Variants in CBLC observed in about 807,000 individuals in gnomAD.
CBLC encodes the protein Cbl proto-oncogene C, also known as E3 ubiquitin-protein ligase CBL-C.
A neutral mutation model predicts 58.6 loss-of-function variants in CBLC; 46 were observed. That is an observed-to-expected ratio of 0.79 (90% CI 0.62 to 1.00). CBLC has a LOEUF of 1.00. CBLC is among the 50% of genes least tolerant of loss of function. The probability of loss-of-function intolerance (pLI) is 0.00; values close to 1 mark genes in which losing one functional copy is unlikely to be tolerated. For synonymous variants in CBLC, 271 were observed against 264.2 expected (o/e 1.03, Z -0.25); for missense variants, 655 against 625.8 (o/e 1.05, Z -0.50).
intron 5 of CBLC, among the ~76,000 whole-genome samples, chr19:44,784,950 G>GTTTTTTGTTTTT (rs543317017): frequency 2.9e-5 from 1 of 34,372 alleles, no homozygotes; most frequent in East Asian, 9.1e-4. Flanking sequence ...CTAGACAGGT[G>GTTTTTTGTTTTT]TTTTTTTTTT....
chr19:44,800,591 A>G lies in CBLC; in HGVS notation c.*48A>G. On this transcript the variant is annotated 3_prime_UTR_variant, in exon 11 of 11. Transcript: ENST00000647358. The stretch of plus-strand genomic sequence containing the variant: ...TGCTCAAGGGAGCCCCAAGGGCTGG[A>G]AGGGGGTTGTGAAACCGAAATAAAC... 3 of 581,516 alleles carry G rather than the reference A, an allele frequency of 5.2e-6. No homozygotes were observed. The South Asian group carries it at 6.7e-5, about 13-fold the overall frequency. 36.0% of individuals were successfully genotyped at this position (581,516 alleles called of 1,614,324 possible). A position where few individuals can be genotyped will look rare whatever the true frequency, so the allele number is the denominator to read the frequency against.
At chr19:44,779,928 A>G (rs569808346) in intron 1 of CBLC, among the ~76,000 whole-genome samples, 2 of 152,240 alleles carry the variant, frequency 1.3e-5, no homozygotes, top group East Asian at 3.9e-4. Flanking sequence ...TTTAATCACT[A>G]TAATGCCCAA....
chr19:44,790,396 G>A lies in CBLC; in HGVS notation c.1005+305G>A, dbSNP rs563340047. ...CTCCTAATCTTCACAGCCACCCTAC[G>A]AGTGAGAAAAACAACAATAACAAAT... On this transcript the variant is annotated intron_variant, in intron 6 of 10. Coordinates refer to ENST00000647358, the MANE Select transcript of CBLC (RefSeq NM_012116.4). Among the ~76,000 whole-genome samples, 4 of 152,196 alleles carry A rather than the reference G, an allele frequency of 2.6e-5. No homozygotes were observed. The East Asian group carries it at 5.8e-4, about 22-fold the overall frequency.
chr19:44,791,869 A>G (rs984169857), intron 6 of CBLC, among the ~76,000 whole-genome samples: 1 of 151,836 alleles, frequency 6.6e-6, no homozygotes, highest in Non-Finnish European at 1.5e-5. Context: ...GGGTCTTACT[A>G]TGCTGCCCAC....
Position 44,780,886 on chromosome 19 carries a change from T to C in CBLC, c.354-19T>C, listed in dbSNP as rs369091435. The C allele has an allele frequency of 1.0e-4, 163 of 1,607,700 alleles. No homozygotes were observed. Among genetic ancestry groups the C allele is most frequent in the Non-Finnish European group, 1.3e-4 (159 of 1,178,980 alleles). ...GTGGGAGCCCCAAGGATAGCCAGAG[T>C]CCTTGCCCATCCCCACAGGCGACAG... On this transcript the variant is annotated intron_variant, in intron 1 of 10. Transcript: ENST00000647358.
In CBLC at chr19:44,790,008, C is replaced by G. The variant is rs147455821; in HGVS notation, c.922C>G (p.Leu308Val). ...LLEGQKDGFY[L>V]YPDGKTHNPD... ...CCCTCTCTTCCCTTCCCCCAGCTAC[C>G]TCTACCCAGATGGAAAGACCCACAA... Residue 308 changes from leucine (L) to valine (V), a missense_variant, in exon 6 of 11, where the codon CTC (leucine) becomes GTC (valine). By Grantham distance (32) the Leu-to-Val change is conservative. Transcript: ENST00000647358. The G allele has an allele frequency of 6.2e-7, 1 of 1,613,096 alleles. No homozygotes were observed. Among genetic ancestry groups the G allele is most frequent in the South Asian group, 1.1e-5 (1 of 91,076 alleles).
intron 3 of CBLC, among the ~76,000 whole-genome samples, chr19:44,782,132 A>G (rs1321359456): frequency 2.1e-5 from 2 of 95,654 alleles, no homozygotes; most frequent in Non-Finnish European, 4.2e-5. Flanking sequence ...CCTGGACTCC[A>G]GGGTTTGAGG....
In CBLC at chr19:44,794,189, T is replaced by C; in HGVS notation, c.1285-15T>C. 3 of 1,599,708 alleles carry C rather than the reference T, an allele frequency of 1.9e-6. No individual in the cohort carries two copies. The highest frequency in any genetic ancestry group is 2.6e-6 in the Non-Finnish European group (3 of 1,174,352). ...CAGCTCACAAGCCCCTTCTCCTTCC[T>C]CTGTCCCACCCCAGGTGCCCCTTTC... On this transcript the variant is annotated splice_polypyrimidine_tract_variant and intron_variant, in intron 8 of 10. Transcript: ENST00000647358.
At chr19:44,798,099 T>A (rs1968215874) in intron 9 of CBLC, among the ~76,000 whole-genome samples, 2 of 152,066 alleles carry the variant, frequency 1.3e-5, no homozygotes, top group African/African-American at 4.8e-5. Flanking sequence ...TTGAGCTGGA[T>A]CTCATCACCC....
In CBLC at chr19:44,792,506, G is replaced by A; in HGVS notation, c.1129G>A (p.Ala377Thr). 1 of 1,599,526 alleles carries A rather than the reference G, an allele frequency of 6.3e-7. No individual in the cohort carries two copies. The highest frequency in any genetic ancestry group is 8.5e-7 in the Non-Finnish European group (1 of 1,174,594). ...CCTGCTCTGCAGCTGCTGCCTGGCT[G>A]CCTGGCAGGTGGGTCTGACCCCTGT... ...GHLLCSCCLA[A>T]WQHSDSQTCP... The change falls in exon 7 of 11, where the codon GCC (alanine) becomes ACC (threonine). Residue 377 changes from alanine to threonine, a missense_variant. Ala to Thr is a moderately conservative substitution (Grantham distance 58, BLOSUM62 0). Coordinates refer to ENST00000647358, the MANE Select transcript of CBLC (RefSeq NM_012116.4).
At chr19:44,781,144 G>T (rs1967717332) in intron 2 of CBLC, 63 bp from the exon 3 acceptor site, 1 of 1,574,662 alleles carries the variant, frequency 6.4e-7, no homozygotes, top group Non-Finnish European at 8.6e-7. Context: ...CTTTCCTGGA[G>T]ACCCTCCCAT....
intron 6 of CBLC, among the ~76,000 whole-genome samples, chr19:44,791,926 C>T (rs1438032289): frequency 6.6e-6 from 1 of 151,784 alleles, no homozygotes; most frequent in Non-Finnish European, 1.5e-5. Flanking sequence ...GCCTTGGCCG[C>T]CAGAAGTGCT....
intron 1 of CBLC, among the ~76,000 whole-genome samples, chr19:44,778,940 G>A (rs1967652208): frequency 6.6e-6 from 1 of 151,764 alleles, no homozygotes; most frequent in South Asian, 2.1e-4. Flanking sequence ...CCTTCCTAAG[G>A]GAACCTGGAA....
chr19:44,794,993 T>C (rs1968151347), intron 9 of CBLC, among the ~76,000 whole-genome samples: 1 of 150,926 alleles, frequency 6.6e-6, no homozygotes, highest in Non-Finnish European at 1.5e-5. Context: ...AGTCTCACTC[T>C]GTAGCCCAGG....
chr19:44,785,516 CTAGA>C (rs1568558989), intron 5 of CBLC, among the ~76,000 whole-genome samples: 1 of 145,720 alleles, frequency 6.9e-6, no homozygotes, highest in Non-Finnish European at 1.5e-5. Flanking sequence ...AGGTAGCTAG[CTAGA>C]TAGTCAGATA....
intron 7 of CBLC, 129 bp from the exon 8 acceptor site, chr19:44,793,345 C>A: frequency 2.9e-6 from 3 of 1,021,416 alleles, no homozygotes; most frequent in Non-Finnish European, 4.1e-6. Flanking sequence ...CGACTCTTCT[C>A]TCCTTCCGTC....
At chr19:44,793,950 C>T (rs1968123061) in intron 8 of CBLC, among the ~76,000 whole-genome samples, 1 of 151,936 alleles carries the variant, frequency 6.6e-6, no homozygotes, top group Non-Finnish European at 1.5e-5. Context: ...GGCCCACACT[C>T]CTGGGTTCTA....
At chr19:44,789,649 C>T (rs1329216014) in intron 5 of CBLC, among the ~76,000 whole-genome samples, 1 of 152,188 alleles carries the variant, frequency 6.6e-6, no homozygotes, top group Non-Finnish European at 1.5e-5. Context: ...CCTCGGCCTC[C>T]CAAAGTGCTG....
chr19:44,794,715 A>C (rs568761829), intron 9 of CBLC, among the ~76,000 whole-genome samples: 16 of 151,680 alleles, frequency 1.1e-4, no homozygotes, highest in African/African-American at 3.9e-4. Flanking sequence ...TGCCCCCCTC[A>C]GCCTCCCACA....
Sources: allele counts gnomAD v4.1 joint callset (sites outside exome capture counted in the v4.1 genomes callset), GRCh38; gene constraint gnomAD v4.1.1; transcripts MANE v1.5; gene names NCBI Gene and HGNC (gene_info 2026-07-23, HGNC 2026-07-21).